Variants in RNF214 observed in about 807,000 individuals in gnomAD.
RNF214 encodes the protein ring finger protein 214.
Under a neutral mutation model 75.9 loss-of-function variants are expected in RNF214, and 25 were observed. The ratio of observed to expected loss-of-function variants is 0.33; its 90% CI spans 0.24 to 0.46. RNF214 has a LOEUF of 0.46. RNF214 is among the 20% of genes least tolerant of loss of function. The pLI is 1.00. For missense variants in RNF214, 725 were observed against 857.5 expected (o/e 0.85, Z 1.93); for synonymous variants, 314 against 308.8 (o/e 1.02, Z -0.18).
At chr11:117,250,369 T>C (rs980521284) in intron 6 of RNF214, among the ~76,000 whole-genome samples, 3 of 152,228 alleles carry the variant, frequency 2.0e-5, no homozygotes, top group East Asian at 1.9e-4. Context: ...GTCAGTGTTA[T>C]GTATTTTGGG....
intron 6 of RNF214, among the ~76,000 whole-genome samples, chr11:117,263,587 A>C (rs973206322): frequency 2.6e-5 from 4 of 152,056 alleles, no homozygotes; most frequent in African/African-American, 7.2e-5. Context: ...AAAAAATTTT[A>C]ATTATGTGTG....
chr11:117,262,653 A>AT (rs2033692511), intron 6 of RNF214, among the ~76,000 whole-genome samples: 1 of 151,870 alleles, frequency 6.6e-6, no homozygotes, highest in Non-Finnish European at 1.5e-5. Context: ...AAGTGCTGAG[A>AT]TTACAAGCGT....
chr11:117,270,678 C>T (rs2033892891), intron 6 of RNF214, among the ~76,000 whole-genome samples: 1 of 151,934 alleles, frequency 6.6e-6, no homozygotes, highest in Admixed American at 6.6e-5. Context: ...GAACTCCTGA[C>T]CTCAGGTGAT....
Position 117,238,585 on chromosome 11 carries a change from C to A in RNF214, c.108-16C>A. ...AAGTATTATATACTTTTCTTTTTAT[C>A]TTGTGTGTTTGATAGCACCAAAGAC... On this transcript the variant is annotated splice_polypyrimidine_tract_variant and intron_variant, in intron 2 of 14. Transcript: ENST00000300650. 2 of 1,586,590 alleles carry A rather than the reference C, an allele frequency of 1.3e-6. No homozygotes were observed. The highest frequency in any genetic ancestry group is 8.6e-7 in the Non-Finnish European group (1 of 1,167,854).
intron 6 of RNF214, among the ~76,000 whole-genome samples, chr11:117,258,295 T>C (rs1217575832): frequency 2.6e-5 from 4 of 152,042 alleles, no homozygotes; most frequent in Non-Finnish European, 5.9e-5. Flanking sequence ...TCTCAATCTC[T>C]TGATGTCATG....
intron 5 of RNF214, 43 bp from the exon 6 acceptor site, chr11:117,246,766 T>G: frequency 6.8e-7 from 1 of 1,475,458 alleles, no homozygotes. Flanking sequence ...ACTAACTTAT[T>G]TTCTTTTTTA....
At chr11:117,258,910 C>T (rs962533415) in intron 6 of RNF214, among the ~76,000 whole-genome samples, 2 of 152,102 alleles carry the variant, frequency 1.3e-5, no homozygotes, top group African/African-American at 4.8e-5. Context: ...CGGCAGAATG[C>T]TTTTAATATT....
chr11:117,268,371 T>C (rs1431130689), intron 6 of RNF214, among the ~76,000 whole-genome samples: 2 of 152,222 alleles, frequency 1.3e-5, no homozygotes, highest in Non-Finnish European at 2.9e-5. Context: ...ATTCCTGATT[T>C]GTGTGACTAT....
intron 6 of RNF214, among the ~76,000 whole-genome samples, chr11:117,259,282 C>T (rs772068947): frequency 6.6e-6 from 1 of 152,134 alleles, no homozygotes; most frequent in Admixed American, 6.5e-5. Context: ...GTTCCTCTTA[C>T]TAATGTATTG....
In RNF214 at chr11:117,234,315, A is replaced by C. The variant is rs1242208108; in HGVS notation, c.43A>C (p.Ser15Arg). 6.2e-7 allele frequency: 1 copy of C among 1,614,228 alleles called. No individual in the cohort carries two copies. Among genetic ancestry groups the C allele is most frequent in the Non-Finnish European group, 8.5e-7 (1 of 1,180,032 alleles). ...TGCTGGTGTTGTGGCCAATGCCCCC[A>C]GTCCTCCGGAATCTTCTAGTTTATG... ...EVAGVVANAP[S>R]PPESSSLCAS... The change falls in exon 2 of 15, where the codon AGT becomes CGT. Residue 15 changes from serine to arginine, a missense_variant. By Grantham distance (110) the Ser-to-Arg change is moderately radical. Coordinates refer to ENST00000300650, the MANE Select transcript of RNF214 (RefSeq NM_207343.4).
intron 6 of RNF214, among the ~76,000 whole-genome samples, chr11:117,252,475 C>T (rs1287876557): frequency 1.3e-5 from 2 of 152,114 alleles, no homozygotes; most frequent in Non-Finnish European, 1.5e-5. Context: ...AACTTAAATT[C>T]TGCCTTCTTT....
intron 1 of RNF214, 92 bp from the exon 2 acceptor site, chr11:117,234,175 A>C: frequency 1.1e-6 from 1 of 884,846 alleles, no homozygotes; most frequent in Non-Finnish European, 1.8e-6. Context: ...TTACTGCGAC[A>C]GCTCTGTTGT....
chr11:117,260,882 G>A (rs1027962319), intron 6 of RNF214, among the ~76,000 whole-genome samples: 5 of 148,154 alleles, frequency 3.4e-5, no homozygotes, highest in Non-Finnish European at 7.5e-5. Context: ...TCGAACTCCC[G>A]ACCTCAGATG....
chr11:117,272,731 T>C (rs968042124), intron 6 of RNF214, among the ~76,000 whole-genome samples: 4 of 152,140 alleles, frequency 2.6e-5, no homozygotes, highest in African/African-American at 9.7e-5. Flanking sequence ...AATATGGATA[T>C]TGAGTTCACA....
rs376308276 is a variant in RNF214 at position 117,234,368 on chromosome 11, A to G, written c.96A>G (p.Pro32=). The G allele has an allele frequency of 8.7e-6, 14 of 1,611,818 alleles. No individual in the cohort carries two copies. Among genetic ancestry groups the G allele is most frequent in the East Asian group, 2.2e-5 (1 of 44,870 alleles). The change falls in exon 2 of 15, where the codon CCA becomes CCG. Residue 32 remains proline, a synonymous_variant. Transcript: ENST00000300650. ...LCASKSDEGL[P]DGLSTKDSAQ... is the part of the protein sequence containing the mutation. ...CTTCCAAATCAGACGAAGGTCTCCC[A>G]GATGGTCTAAGGTAATGTGTGGACT...
Position 117,244,458 on chromosome 11 carries a change from C to T in RNF214, c.692C>T (p.Thr231Ile). 1.9e-6 allele frequency: 3 copies of T among 1,608,682 alleles called. No individual in the cohort carries two copies. Among genetic ancestry groups the T allele is most frequent in the South Asian group, 1.1e-5 (1 of 89,892 alleles). Residue 231 changes from threonine to isoleucine, a missense_variant, in exon 5 of 15, where the codon ACA (threonine) becomes ATA (isoleucine). Physicochemically the swap from Thr to Ile is moderately conservative, Grantham distance 89. Transcript: ENST00000300650. ...TGTTCATAATAGGATAAAATGATGA[C>T]AGAGAGAACCCTGTTGAAAGAGCGT... ...DIEKNLDKMM[T>I]ERTLLKERYQ... is the part of the protein sequence containing the mutation.
intron 14 of RNF214, 24 bp downstream of exon 14, chr11:117,283,234 T>C (rs754187061): frequency 1.4e-6 from 2 of 1,439,484 alleles, no homozygotes; most frequent in Non-Finnish European, 1.9e-6. Context: ...ACCTTCCTCA[T>C]TTTCTACACT....
chr11:117,269,958 A>G (rs1362580689), intron 6 of RNF214, among the ~76,000 whole-genome samples: 1 of 152,182 alleles, frequency 6.6e-6, no homozygotes, highest in Non-Finnish European at 1.5e-5. Context: ...CCATCTATAA[A>G]TGAAAAGTCT....
At position 117,282,170 on chromosome 11, in the gene RNF214, G is replaced by A. The variant is rs752753519; in HGVS notation, c.1612G>A (p.Gly538Ser). The A allele has an allele frequency of 7.4e-6, 12 of 1,613,892 alleles. No homozygotes were observed. The highest frequency in any genetic ancestry group is 1.0e-5 in the Non-Finnish European group (12 of 1,179,992). Residue 538 changes from glycine to serine, a missense_variant, in exon 11 of 15, where the codon GGC becomes AGC. By Grantham distance (56) the Gly-to-Ser change is moderately conservative. Around this residue, in one of 2 missense-constraint regions of RNF214, gnomAD observed 363 missense variants for 513.0 expected, o/e 0.71. Transcript: ENST00000300650. ...AASIPPPPGL[G>S]GVKASAETPR... ...CTCCATCCCACCTCCCCCAGGCTTGGGCGGTGTTAAGGCTTCTGCTGAAAC... is the reference window on the plus strand; with the variant it reads ...CTCCATCCCACCTCCCCCAGGCTTGAGCGGTGTTAAGGCTTCTGCTGAAAC...
Sources: allele counts gnomAD v4.1 joint callset (sites outside exome capture counted in the v4.1 genomes callset), GRCh38; gene constraint gnomAD v4.1.1; regional missense constraint gnomAD v4.1.1; transcripts MANE v1.5; gene names NCBI Gene and HGNC (gene_info 2026-07-23, HGNC 2026-07-21).